The following HTR4 variants were observed in gnomAD, a reference collection of about 807,000 sequenced individuals.
HTR4 encodes the protein 5-hydroxytryptamine receptor 4.
A neutral mutation model predicts 36.8 loss-of-function variants in HTR4; 16 were observed. The ratio of observed to expected loss-of-function variants is 0.43; its 90% CI spans 0.29 to 0.66. The LOEUF (loss-of-function observed/expected upper bound fraction) is 0.66. Ranked by LOEUF, HTR4 falls within the 30% of genes least tolerant of loss-of-function variation. The probability of loss-of-function intolerance (pLI) is 0.13; values close to 1 mark genes in which losing one functional copy is unlikely to be tolerated. For missense variants in HTR4, 438 were observed against 490.9 expected (o/e 0.89, Z 1.02); for synonymous variants, 189 against 185.1 (o/e 1.02, Z -0.17).
chr5:148,453,229 G>A (rs1755015707), intron 5 of HTR4, among the ~76,000 whole-genome samples: 1 of 152,136 alleles, frequency 6.6e-6, no homozygotes, highest in Non-Finnish European at 1.5e-5. Flanking sequence ...AGAAACATCA[G>A]GTTCATCTGG....
At chr5:148,653,038 G>A (rs977466246) in intron 1 of HTR4, among the ~76,000 whole-genome samples, 2 of 152,012 alleles carry the variant, frequency 1.3e-5, no homozygotes, top group Admixed American at 6.6e-5. Flanking sequence ...CCAGGAGCAC[G>A]CAGCAACATC....
At chr5:148,590,625 C>T (rs917883040) in intron 2 of HTR4, among the ~76,000 whole-genome samples, 2 of 151,972 alleles carry the variant, frequency 1.3e-5, no homozygotes, top group South Asian at 4.2e-4. Context: ...TTCCTTTTTC[C>T]TAAACTCCAT....
Position 148,552,501 on chromosome 5 carries a change from A to G in HTR4, c.27-2239T>C, listed in dbSNP as rs1173147117. ...GGTGGTTCTCTTCCCTGTCCTTCTT[A>G]GAGACTAACGGCCCCCCTGAAACTC... is the stretch of plus-strand genomic sequence containing the variant. On this transcript the variant is annotated intron_variant, in intron 2 of 6. Transcript: ENST00000377888. 7.2e-5 allele frequency among the ~76,000 whole-genome samples: 11 copies of G among 152,326 alleles called. No individual in the cohort carries two copies. In the South Asian group the frequency reaches 2.1e-3, roughly 29 times the overall value.
intron 5 of HTR4, among the ~76,000 whole-genome samples, chr5:148,464,528 G>A (rs568716658): frequency 9.9e-5 from 15 of 152,258 alleles, no homozygotes; most frequent in African/African-American, 2.6e-4. Flanking sequence ...TGCAGATGGA[G>A]ATGAGACACC....
At chr5:148,607,183 A>G (rs1038745973) in intron 2 of HTR4, among the ~76,000 whole-genome samples, 2 of 152,204 alleles carry the variant, frequency 1.3e-5, no homozygotes, top group Non-Finnish European at 2.9e-5. Context: ...CACTTGTAAA[A>G]TGAGATAAAG....
At chr5:148,547,199 A>T (rs140905488) in intron 4 of HTR4, among the ~76,000 whole-genome samples, 2 of 151,984 alleles carry the variant, frequency 1.3e-5, no homozygotes, top group East Asian at 3.9e-4. Context: ...GTCTCTAAGT[A>T]CCTCCCCCAG....
chr5:148,610,511 C>T (rs1752379086), intron 2 of HTR4, among the ~76,000 whole-genome samples: 1 of 151,998 alleles, frequency 6.6e-6, no homozygotes, highest in South Asian at 2.1e-4. Context: ...GACATCCACA[C>T]CAAAAACCCA....
intron 1 of HTR4, among the ~76,000 whole-genome samples, chr5:148,644,236 T>C (rs967507087): frequency 6.6e-6 from 1 of 152,122 alleles, no homozygotes; most frequent in Admixed American, 6.6e-5. Context: ...ATGCAGTAGG[T>C]ATCTAGAGCA....
intron 5 of HTR4, among the ~76,000 whole-genome samples, chr5:148,466,686 T>A (rs1340027817): frequency 6.6e-6 from 1 of 152,180 alleles, no homozygotes. Flanking sequence ...TCTGTCAGAG[T>A]GTTACAGTGA....
chr5:148,601,092 G>C (rs765486069), intron 2 of HTR4, among the ~76,000 whole-genome samples: 1 of 150,860 alleles, frequency 6.6e-6, no homozygotes, highest in South Asian at 2.1e-4. Context: ...ATATGAAAAG[G>C]TGTTCAGCAT....
chr5:148,627,770 CA>C, intron 2 of HTR4, among the ~76,000 whole-genome samples: 1 of 152,154 alleles, frequency 6.6e-6, no homozygotes, highest in African/African-American at 2.4e-5. Context: ...AAATCTGTTC[CA>C]ATTGAAAAAA....
rs937198428 is a variant in HTR4, at chr5:148,483,103, A to T, written c.*100T>A. The T allele has an allele frequency of 5.1e-6, 8 of 1,558,938 alleles. No individual in the cohort carries two copies. The highest frequency in any genetic ancestry group is 7.0e-6 in the Non-Finnish European group (8 of 1,149,294). On this transcript the variant is annotated 3_prime_UTR_variant, in exon 7 of 7. Transcript: ENST00000377888. ...CCTGCACTGGCGGACGGAAAGCCTCAGGTGAAGAGAATACCGGGTGCAGTC... is the reference window on the plus strand; with the variant it reads ...CCTGCACTGGCGGACGGAAAGCCTCTGGTGAAGAGAATACCGGGTGCAGTC...
At chr5:148,488,164 C>A (rs1443205923) in intron 6 of HTR4, among the ~76,000 whole-genome samples, 2 of 152,198 alleles carry the variant, frequency 1.3e-5, no homozygotes, top group African/African-American at 4.8e-5. Flanking sequence ...TCTGTAGATA[C>A]ACTATCAACC....
At chr5:148,536,999 C>T (rs1219909326) in intron 4 of HTR4, among the ~76,000 whole-genome samples, 2 of 152,154 alleles carry the variant, frequency 1.3e-5, no homozygotes, top group Non-Finnish European at 2.9e-5. Flanking sequence ...TAAAACAATC[C>T]TCAACAAATG....
At chr5:148,488,347 T>G (rs986190597) in intron 6 of HTR4, among the ~76,000 whole-genome samples, 24 of 152,212 alleles carry the variant, frequency 1.6e-4, no homozygotes, top group African/African-American at 5.5e-4. Context: ...TTAACAAGTC[T>G]CTAATACCTA....
intron 4 of HTR4, among the ~76,000 whole-genome samples, chr5:148,524,758 C>T (rs1340777658): frequency 2.0e-5 from 3 of 152,200 alleles, no homozygotes; most frequent in Non-Finnish European, 4.4e-5. Flanking sequence ...TCATACACCC[C>T]TCATTTTATG....
chr5:148,523,047 CA>C (rs1758096031), intron 5 of HTR4, 145 bp downstream of exon 5: 1 of 709,478 alleles, frequency 1.4e-6, no homozygotes. Flanking sequence ...AGTAAGCATT[CA>C]AAAGTGTTAG....
chr5:148,502,229 T>A (rs1756966812), intron 6 of HTR4, among the ~76,000 whole-genome samples: 1 of 152,146 alleles, frequency 6.6e-6, no homozygotes, highest in African/African-American at 2.4e-5. Flanking sequence ...CCAAGTAGCC[T>A]AACTGGGAGG....
intron 5 of HTR4, among the ~76,000 whole-genome samples, chr5:148,512,796 G>A (rs1561588699): frequency 6.6e-6 from 1 of 152,044 alleles, no homozygotes; most frequent in Non-Finnish European, 1.5e-5. Context: ...GCCAGGCGTG[G>A]TGGCAGGCAC....
Sources: allele counts gnomAD v4.1 joint callset (sites outside exome capture counted in the v4.1 genomes callset), GRCh38; gene constraint gnomAD v4.1.1; transcripts MANE v1.5; gene names NCBI Gene and HGNC (gene_info 2026-07-23, HGNC 2026-07-21).